Variants in ZNF608 observed in about 807,000 individuals in gnomAD.
ZNF608 encodes the protein renal carcinoma antigen NY-REN-36.
A neutral mutation model predicts 109.0 loss-of-function variants in ZNF608; 12 were observed. That is an observed-to-expected ratio of 0.11 (90% CI 0.07 to 0.18). ZNF608 has a LOEUF of 0.18. Among genes scored for constraint, ZNF608 ranks in the 10% least tolerant of loss-of-function variants. ZNF608 has a pLI of 1.00. For synonymous variants in ZNF608, 732 were observed against 717.4 expected (o/e 1.02, Z -0.33); for missense variants, 1,707 against 1,879.3 (o/e 0.91, Z 1.70).
chr5:124,637,739 AACATTTGTT>A lies in ZNF608; in HGVS notation c.*152_*160del. 1 of 545,616 alleles carries A rather than the reference AACATTTGTT, an allele frequency of 1.8e-6. No homozygotes were observed. Among genetic ancestry groups the A allele is most frequent in the South Asian group, 2.4e-5 (1 of 40,846 alleles). The allele number at this position is 545,616 out of a possible 1,614,324, so 33.8% of individuals were successfully genotyped here. Reference sequence around the variant, plus strand: ...TATAAAACAGAAGTTTAATTACAGCAACATTTGTTACTCTGTGATAAAATCTGTAATTTA... The same window carrying A: ...TATAAAACAGAAGTTTAATTACAGCAACTCTGTGATAAAATCTGTAATTTA... On this transcript the variant is annotated 3_prime_UTR_variant, in exon 10 of 10. Coordinates refer to ENST00000513986, the MANE Select transcript of ZNF608 (RefSeq NM_020747.3).
In ZNF608 at chr5:124,744,591, A is replaced by G; in HGVS notation, c.399T>C (p.Thr133=). ...GCCCTTGGACTTCCTGCCTCTTGCC[A>G]GTGCTGCTGATCTCGGGAATCCCAT... ...ALYGIPEISS[T]GKRQEVQGRP... The change falls in exon 2 of 10, where the codon ACT becomes ACC. Residue 133 remains threonine, a synonymous_variant. Coordinates refer to ENST00000513986, the MANE Select transcript of ZNF608 (RefSeq NM_020747.3). The surrounding 1 kb of genome is among the most constrained non-coding windows in gnomAD (Gnocchi z 4.5). The G allele has an allele frequency of 1.9e-6, 3 of 1,614,190 alleles. No individual in the cohort carries two copies. The highest frequency in any genetic ancestry group is 2.2e-5 in the South Asian group (2 of 91,088).
chr5:124,715,707 G>C (rs1207874935), intron 2 of ZNF608, among the ~76,000 whole-genome samples: 2 of 151,866 alleles, frequency 1.3e-5, no homozygotes, highest in Non-Finnish European at 2.9e-5. Context: ...ATTTTTAAGT[G>C]GTGTAAAAAA....
At chr5:124,661,605 G>A (rs1751263972) in intron 3 of ZNF608, among the ~76,000 whole-genome samples, 1 of 152,270 alleles carries the variant, frequency 6.6e-6, no homozygotes, top group South Asian at 2.1e-4. Context: ...GCACAGGGAA[G>A]GTAAAAGGGC....
rs530001836 is a variant in ZNF608, at chr5:124,657,852, TA to T, written c.1163-8156del. 1.1e-4 allele frequency among the ~76,000 whole-genome samples: 16 copies of T among 151,678 alleles called. No individual in the cohort carries two copies. The South Asian group carries it at 1.9e-3, about 18-fold the overall frequency. On this transcript the variant is annotated intron_variant, in intron 3 of 9. Coordinates refer to ENST00000513986, the MANE Select transcript of ZNF608 (RefSeq NM_020747.3). ...ACATTTTAAGTAACAAAGAGCATCA[TA>T]AAAAAAAATCACATGGAGATCTTTA...
rs956026207 is a variant in ZNF608, at chr5:124,665,239, C to T, written c.1163-15542G>A. On this transcript the variant is annotated intron_variant, in intron 3 of 9. Transcript: ENST00000513986. ...CACACTGGAAACTTGAAACTGACCA[C>T]GGTGGTGATATAATCACCAAAGAAA... Among the ~76,000 whole-genome samples the T allele has an allele frequency of 2.0e-5, 3 of 151,884 alleles. No individual in the cohort carries two copies. In the South Asian group the frequency reaches 6.2e-4, roughly 32 times the overall value.
chr5:124,692,482 C>T (rs139675962), intron 3 of ZNF608, among the ~76,000 whole-genome samples: 2 of 152,312 alleles, frequency 1.3e-5, no homozygotes, highest in Admixed American at 6.5e-5. Flanking sequence ...TACATCAACC[C>T]AGCTGAAGCT....
chr5:124,688,427 T>C (rs916783017), intron 3 of ZNF608, among the ~76,000 whole-genome samples: 7 of 152,344 alleles, frequency 4.6e-5, no homozygotes, highest in African/African-American at 1.7e-4. Flanking sequence ...ATATGAACAT[T>C]GAGAGCTATA....
Position 124,647,908 on chromosome 5 carries a change from C to G in ZNF608, c.2476G>C (p.Glu826Gln). The G allele has an allele frequency of 6.2e-7, 1 of 1,614,254 alleles. No homozygotes were observed. The highest frequency in any genetic ancestry group is 8.5e-7 in the Non-Finnish European group (1 of 1,180,038). The stretch of plus-strand genomic sequence containing the variant: ...GCATCCATTTTTGGGCTTCCCGTCT[C>G]TTTCCCTTCTTTGTCCTTTAGCTTT... ...KRKLKDKEGK[E>Q]TGSPKMDAKL... The change falls in exon 5 of 10, where the codon GAG becomes CAG. Residue 826 changes from glutamate (E) to glutamine (Q), a missense_variant. Glu to Gln is a conservative substitution (Grantham distance 29). This residue lies in a region of ZNF608 where 1,073 missense variants were observed against 1,133.5 expected (regional missense o/e 0.95). Coordinates refer to ENST00000513986, the MANE Select transcript of ZNF608 (RefSeq NM_020747.3).
chr5:124,662,853 A>C (rs1214320815), intron 3 of ZNF608, among the ~76,000 whole-genome samples: 1 of 152,154 alleles, frequency 6.6e-6, no homozygotes, highest in African/African-American at 2.4e-5. Context: ...CTGGACAAAA[A>C]TCTGATTTGT....
intron 3 of ZNF608, among the ~76,000 whole-genome samples, chr5:124,683,539 T>A (rs1458946243): frequency 6.6e-6 from 1 of 152,102 alleles, no homozygotes; most frequent in East Asian, 1.9e-4. Flanking sequence ...CACATAAACA[T>A]GTGTTTTCAA....
At chr5:124,638,142 G>C (rs1184939239) in intron 9 of ZNF608, among the ~76,000 whole-genome samples, 1 of 151,976 alleles carries the variant, frequency 6.6e-6, no homozygotes, top group Non-Finnish European at 1.5e-5. Flanking sequence ...TAGAGAGGGG[G>C]TTTCTCCATG....
chr5:124,708,424 A>G (rs1753348016), intron 2 of ZNF608, among the ~76,000 whole-genome samples: 1 of 152,234 alleles, frequency 6.6e-6, no homozygotes, highest in African/African-American at 2.4e-5. Flanking sequence ...TTCTAAATGT[A>G]AAATAGAAGA....
intron 2 of ZNF608, among the ~76,000 whole-genome samples, chr5:124,723,496 C>T (rs570621473): frequency 1.3e-5 from 2 of 152,232 alleles, no homozygotes; most frequent in African/African-American, 2.4e-5. Flanking sequence ...AGGACCAGCC[C>T]AGCCAACATG....
chr5:124,744,497 G>T lies in ZNF608; in HGVS notation c.493C>A (p.Pro165Thr). 1 of 1,614,198 alleles carries T rather than the reference G, an allele frequency of 6.2e-7. No individual in the cohort carries two copies. The highest frequency in any genetic ancestry group is 8.5e-7 in the Non-Finnish European group (1 of 1,180,044). Residue 165 changes from proline to threonine, a missense_variant, in exon 2 of 10, where the codon CCA becomes ACA. Physicochemically the swap from Pro to Thr is conservative, Grantham distance 38. This residue lies in a region of ZNF608 where 407 missense variants were observed against 398.7 expected (regional missense o/e 1.02). Transcript: ENST00000513986. The surrounding 1 kb of genome is among the most constrained non-coding windows in gnomAD (Gnocchi z 4.5). ...CTGGTGCTGGTACTATTGCTGTTTG[G>T]GTTGCCGCTGCCGCCGCTGCTCACA... ...QSVSSGGSGN[P>T]NSNSTSTSTS...
intron 8 of ZNF608, among the ~76,000 whole-genome samples, chr5:124,639,984 T>A (rs1750164570): frequency 6.6e-6 from 1 of 152,240 alleles, no homozygotes; most frequent in African/African-American, 2.4e-5. Flanking sequence ...TATATAGATA[T>A]AATGTGTTAG....
intron 3 of ZNF608, among the ~76,000 whole-genome samples, chr5:124,692,019 C>T (rs1017473273): frequency 6.6e-6 from 1 of 152,050 alleles, no homozygotes; most frequent in African/African-American, 2.4e-5. Flanking sequence ...TCCCAAATCT[C>T]CTAAAATGGC....
intron 2 of ZNF608, among the ~76,000 whole-genome samples, chr5:124,706,052 C>T (rs984855207): frequency 4.6e-5 from 7 of 152,180 alleles, no homozygotes; most frequent in Non-Finnish European, 1.0e-4. Flanking sequence ...GATAATCATA[C>T]AAATATAGCA....
intron 2 of ZNF608, among the ~76,000 whole-genome samples, chr5:124,723,693 A>G (rs535799663): frequency 2.1e-4 from 32 of 152,310 alleles, no homozygotes; most frequent in Middle Eastern, 6.8e-3. Flanking sequence ...GACTCCATCA[A>G]TCAATGAATC....
intron 2 of ZNF608, among the ~76,000 whole-genome samples, chr5:124,728,028 C>T (rs1038702942): frequency 7.9e-5 from 12 of 152,154 alleles, no homozygotes; most frequent in African/African-American, 2.9e-4. Context: ...GGGTGAGCCA[C>T]TGTGCCGGGC....
Sources: allele counts gnomAD v4.1 joint callset (sites outside exome capture counted in the v4.1 genomes callset), GRCh38; gene constraint gnomAD v4.1.1; regional missense constraint gnomAD v4.1.1; non-coding constraint Gnocchi (gnomAD v3.1); transcripts MANE v1.5; gene names NCBI Gene and HGNC (gene_info 2026-07-23, HGNC 2026-07-21).